THAP8: variants seen among roughly 807,000 people sequenced by gnomAD.
The protein encoded by THAP8 is THAP domain containing 8.
THAP8 carries 24 observed loss-of-function variants against 25.0 expected under a neutral mutation model. That is an observed-to-expected ratio of 0.96 (90% confidence interval 0.69 to 1.35). THAP8 has a LOEUF of 1.35. THAP8 is among the 40% of genes most tolerant of loss of function. The probability of loss-of-function intolerance (pLI) is 0.00; values close to 1 mark genes in which losing one functional copy is unlikely to be tolerated. For synonymous variants in THAP8, 169 were observed against 157.6 expected (o/e 1.07, Z -0.54); for missense variants, 399 against 368.8 (o/e 1.08, Z -0.67).
intron 1 of THAP8, among the ~76,000 whole-genome samples, chr19:36,041,896 T>A (rs1452524659): frequency 1.3e-5 from 2 of 151,738 alleles, no homozygotes; most frequent in African/African-American, 2.4e-5. Context: ...TCCTGGGCAA[T>A]GTAGCAAGAC....
intron 1 of THAP8, among the ~76,000 whole-genome samples, chr19:36,048,114 A>G (rs1969936042): frequency 2.6e-5 from 4 of 152,162 alleles, no homozygotes; most frequent in Admixed American, 2.0e-4. Flanking sequence ...GATTCACTCC[A>G]CTTTCTTTTT....
At chr19:36,053,897 C>T (rs1389587381) in intron 1 of THAP8, among the ~76,000 whole-genome samples, 1 of 152,072 alleles carries the variant, frequency 6.6e-6, no homozygotes, top group Non-Finnish European at 1.5e-5. Context: ...TCTTACATCC[C>T]TTTCACTCTT....
intron 1 of THAP8, among the ~76,000 whole-genome samples, chr19:36,042,615 A>G (rs1568552271): frequency 6.6e-6 from 1 of 152,246 alleles, no homozygotes; most frequent in Non-Finnish European, 1.5e-5. Context: ...TGGGCAAAAG[A>G]GCGACATGCT....
At chr19:36,035,639 GC>G in intron 3 of THAP8, 47 bp from the exon 4 acceptor site, 1 of 1,592,414 alleles carries the variant, frequency 6.3e-7, no homozygotes, top group South Asian at 1.1e-5. Context: ...GAAGCAAGTT[GC>G]GGGAGAGACA....
At chr19:36,043,403 G>A (rs191963563) in intron 1 of THAP8, among the ~76,000 whole-genome samples, 2 of 152,280 alleles carry the variant, frequency 1.3e-5, no homozygotes, top group African/African-American at 4.8e-5. Context: ...CTGGGGGAGA[G>A]GGAAAGAGGG....
In THAP8 at chr19:36,048,859, A is replaced by C. The variant is rs1009429186; in HGVS notation, c.83+5276T>G. 1.2e-3 allele frequency among the ~76,000 whole-genome samples: 184 copies of C among 148,122 alleles called. 3 individuals carry two copies. The highest frequency in any genetic ancestry group is 2.4e-3 in the Non-Finnish European group (159 of 67,568). On this transcript the variant is annotated intron_variant, in intron 1 of 3. Coordinates refer to ENST00000292894, the MANE Select transcript of THAP8 (RefSeq NM_152658.3). The stretch of plus-strand genomic sequence containing the variant: ...CCTTCTTTAAAAAAAAAAAAAAACA[A>C]AAAAACAAAAAACACCTTTGTTGTA...
At chr19:36,048,855 A>C (rs943442317) in intron 1 of THAP8, among the ~76,000 whole-genome samples, 11 of 134,138 alleles carry the variant, frequency 8.2e-5, no homozygotes, top group South Asian at 2.5e-4. Flanking sequence ...AAAAAAAAAA[A>C]ACAAAAAAAC....
chr19:36,049,213 G>C (rs1254498448), intron 1 of THAP8, among the ~76,000 whole-genome samples: 2 of 151,438 alleles, frequency 1.3e-5, no homozygotes, highest in African/African-American at 4.8e-5. Context: ...AACCATGCTT[G>C]ACTAGCATAA....
chr19:36,045,549 G>A (rs747140549), intron 1 of THAP8, among the ~76,000 whole-genome samples: 3 of 152,154 alleles, frequency 2.0e-5, no homozygotes, highest in East Asian at 1.9e-4. Context: ...AATTACAGGC[G>A]TGAACCACTG....
rs550439590 is a variant in THAP8 at position 36,054,142 on chromosome 19, A to AGCTCACAGGGCGGTTGTCT, written c.57_75dup (p.Phe26ArgfsTer28). 259 of 1,613,562 alleles carry AGCTCACAGGGCGGTTGTCT rather than the reference A, an allele frequency of 1.6e-4. 1 individual carries two copies. The African/African-American group carries it at 3.0e-3, about 19-fold the overall frequency. On this transcript the variant is annotated frameshift_variant, in exon 1 of 4. Transcript: ENST00000292894. LOFTEE classifies it high-confidence loss of function. ...GCCCCGCGCTGCGCTCACTTGTAGA[A>AGCTCACAGGGCGGTTGTCT]GCTCACAGGGCGGTTGTCTGCACCC...
chr19:36,039,555 AG>A lies in THAP8; in HGVS notation c.439del (p.Leu147SerfsTer2), dbSNP rs1969607939. The A allele has an allele frequency of 3.3e-6, 5 of 1,525,120 alleles. No homozygotes were observed. The highest frequency in any genetic ancestry group is 4.4e-6 in the Non-Finnish European group (5 of 1,132,004). The allele number at this position is 1,525,120 out of a possible 1,614,324, so 94.5% of individuals were successfully genotyped here. On this transcript the variant is annotated frameshift_variant, in exon 3 of 4. Coordinates refer to ENST00000292894, the MANE Select transcript of THAP8 (RefSeq NM_152658.3). LOFTEE classifies it high-confidence loss of function. ...TGGCGCAGGGGCCAGGGGGGTCAGG[AG>A]CATGGTGGCCACAGTCTTGGGGCTC... is the stretch of plus-strand genomic sequence containing the variant. Reference protein sequence around the residue: ...SGSPKTVATMLLTPLAPAPTP... With the variant: ...SGSPKTVATMXLTPLAPAPTP...
chr19:36,054,504 G>A, upstream of THAP8: 1 of 572,726 alleles, frequency 1.7e-6, no homozygotes, highest in Non-Finnish European at 3.1e-6. Context: ...TGGGGGGAAG[G>A]GCGGCGTCAC....
intron 1 of THAP8, among the ~76,000 whole-genome samples, chr19:36,051,728 G>T (rs1970059881): frequency 6.6e-6 from 1 of 152,144 alleles, no homozygotes; most frequent in African/African-American, 2.4e-5. Context: ...TATTTACAAT[G>T]GCAATGGGAG....
chr19:36,035,616 T>C, intron 3 of THAP8, 24 bp from the exon 4 acceptor site: 1 of 1,602,816 alleles, frequency 6.2e-7, no homozygotes, highest in African/African-American at 1.3e-5. Flanking sequence ...GTGGTAGAGA[T>C]GGGGAACATT....
chr19:36,037,445 T>A (rs924161634), intron 3 of THAP8, among the ~76,000 whole-genome samples: 1 of 151,538 alleles, frequency 6.6e-6, no homozygotes, highest in Admixed American at 6.6e-5. Flanking sequence ...ATTACAGAGA[T>A]TGCAAACTCC....
upstream of THAP8, chr19:36,054,563 T>TA (rs1431626335): frequency 5.5e-6 from 3 of 546,334 alleles, no homozygotes; most frequent in Non-Finnish European, 9.9e-6. Context: ...GTCAATCTCT[T>TA]ACGGCTCCAC....
chr19:36,053,335 T>G (rs1970126981), intron 1 of THAP8, among the ~76,000 whole-genome samples: 1 of 116,302 alleles, frequency 8.6e-6, no homozygotes, highest in Admixed American at 1.2e-4. Flanking sequence ...CCCAAAGTGC[T>G]GGGATTACAG....
chr19:36,044,119 C>G (rs1969796458), intron 1 of THAP8, among the ~76,000 whole-genome samples: 2 of 152,016 alleles, frequency 1.3e-5, no homozygotes, highest in South Asian at 2.1e-4. Flanking sequence ...TTATTTGCAG[C>G]CAGGGGTGGC....
chr19:36,039,457 G>C lies in THAP8; in HGVS notation c.538C>G (p.Leu180Val), dbSNP rs146820150. The change falls in exon 3 of 4, where the codon CTG becomes GTG. Residue 180 changes from leucine to valine, a missense_variant. By Grantham distance (32) the Leu-to-Val change is conservative (BLOSUM62 1). Transcript: ENST00000292894. ...QTGLGPVLGA[L>V]QRRVRRLQRC... ...TGCAGCCTCCGCACCCGGCGTTGCA[G>C]TGCTCCCAGCACTGGGCCCAGCCCG... 1.2e-6 allele frequency: 2 copies of C among 1,600,046 alleles called. No individual in the cohort carries two copies. Among genetic ancestry groups the C allele is most frequent in the Admixed American group, 1.7e-5 (1 of 58,472 alleles).
Sources: gnomAD v4.1 joint callset for allele counts (sites outside exome capture counted in the v4.1 genomes callset) on GRCh38, gnomAD v4.1.1 for gene constraint, MANE v1.5 for transcripts, NCBI Gene and HGNC (gene_info 2026-07-23, HGNC 2026-07-21) for gene names.